The following PAM variants were observed in gnomAD, a reference collection of about 807,000 sequenced individuals.
The protein encoded by PAM is peptidylglycine alpha-amidating monooxygenase, also known as peptidyl-glycine alpha-amidating monooxygenase.
In PAM, 72 loss-of-function variants were observed where a neutral mutation model predicts 122.1. The ratio of observed to expected loss-of-function variants is 0.59; its 90% CI spans 0.49 to 0.72. PAM has a LOEUF of 0.72. PAM is among the 30% of genes least tolerant of loss of function. PAM has a pLI of 0.00. For missense variants in PAM, 1,106 were observed against 1,183.7 expected (o/e 0.93, Z 0.96); for synonymous variants, 389 against 404.4 (o/e 0.96, Z 0.46).
At chr5:102,838,994 T>C (rs762808446) in intron 1 of PAM, among the ~76,000 whole-genome samples, 9 of 152,174 alleles carry the variant, frequency 5.9e-5, no homozygotes, top group Non-Finnish European at 1.2e-4. Context: ...CTAGAAATCT[T>C]TAAAGAAAAT....
chr5:102,813,271 C>G (rs1328961219), intron 1 of PAM, among the ~76,000 whole-genome samples: 1 of 152,116 alleles, frequency 6.6e-6, no homozygotes, highest in Non-Finnish European at 1.5e-5. Context: ...TTGAATCTTT[C>G]TTGGTCAGTG....
rs570605243 is a variant in PAM at position 103,009,915 on chromosome 5, A to C, written c.2331+49A>C. ...TTCAATTTTCATGAGAAGAAGACTA[A>C]AATATAAATCTTGGCATTCAATCTG... On this transcript the variant is annotated intron_variant, in intron 21 of 25. Transcript: ENST00000438793. 11 of 959,798 alleles carry C rather than the reference A, an allele frequency of 1.1e-5. No homozygotes were observed. In the African/African-American group the frequency reaches 1.8e-4, roughly 16 times the overall value. The allele number at this position is 959,798 out of a possible 1,614,324, so 59.5% of individuals were successfully genotyped here. A position where few individuals can be genotyped will look rare whatever the true frequency, so the allele number is the denominator to read the frequency against.
intron 15 of PAM, among the ~76,000 whole-genome samples, chr5:102,980,170 T>G (rs547524055): frequency 6.6e-6 from 1 of 152,220 alleles, no homozygotes; most frequent in South Asian, 2.1e-4. Flanking sequence ...CTATCTGAAT[T>G]TAGAGCAACT....
intron 1 of PAM, among the ~76,000 whole-genome samples, chr5:102,792,870 C>T (rs923817095): frequency 2.6e-5 from 4 of 152,162 alleles, no homozygotes; most frequent in African/African-American, 9.7e-5. Flanking sequence ...TGCAGCCACA[C>T]ACACACAAAA....
intron 12 of PAM, among the ~76,000 whole-genome samples, chr5:102,958,080 T>C (rs1376793201): frequency 3.9e-5 from 6 of 152,148 alleles, no homozygotes; most frequent in Non-Finnish European, 8.8e-5. Flanking sequence ...GTGTGTAGCT[T>C]TTTAGTAAGG....
intron 1 of PAM, among the ~76,000 whole-genome samples, chr5:102,851,231 G>A (rs555109246): frequency 1.3e-5 from 2 of 152,296 alleles, no homozygotes; most frequent in South Asian, 4.1e-4. Flanking sequence ...TCAGGAGTGT[G>A]AGTGAATACT....
At chr5:102,937,842 A>G (rs1273375171) in intron 7 of PAM, among the ~76,000 whole-genome samples, 2 of 152,170 alleles carry the variant, frequency 1.3e-5, no homozygotes, top group Non-Finnish European at 2.9e-5. Context: ...CACTGTTTTT[A>G]AAAGTCTTTT....
intron 1 of PAM, among the ~76,000 whole-genome samples, chr5:102,831,942 T>G (rs1324385701): frequency 2.0e-5 from 3 of 151,948 alleles, no homozygotes; most frequent in African/African-American, 7.2e-5. Context: ...TCATTCATCT[T>G]TCCTATGCCA....
chr5:102,998,762 G>A (rs1776484036), intron 16 of PAM, among the ~76,000 whole-genome samples: 2 of 151,878 alleles, frequency 1.3e-5, no homozygotes, highest in African/African-American at 4.8e-5. Context: ...AAAAGAGGGG[G>A]AAAGGTTTTA....
In PAM at chr5:102,946,869, C is replaced by A. The variant is rs1211372636; in HGVS notation, c.559C>A (p.His187Asn). ...CAAGGACTGTTCTGGTGTGTCCTTA[C>A]ACCTCACACGTCTGCCGTAAGTACT... ...NNKDCSGVSLHLTRLPQPLIA... is the reference protein window; with the variant it reads ...NNKDCSGVSLNLTRLPQPLIA... Residue 187 changes from histidine (H) to asparagine (N), a missense_variant, in exon 8 of 26, where the codon CAC becomes AAC. Physicochemically the swap from His to Asn is moderately conservative, Grantham distance 68. Around this residue, in one of 3 missense-constraint regions of PAM, gnomAD observed 670 missense variants for 690.3 expected, o/e 0.97. Transcript: ENST00000438793. The A allele has an allele frequency of 1.4e-5, 22 of 1,601,526 alleles. No individual in the cohort carries two copies. Among genetic ancestry groups the A allele is most frequent in the Non-Finnish European group, 1.7e-5 (20 of 1,169,392 alleles).
rs572655542 is a variant in PAM, at chr5:102,945,386, A to G, written c.527-1451A>G. Among the ~76,000 whole-genome samples the G allele has an allele frequency of 5.9e-5, 9 of 152,110 alleles. No homozygotes were observed. The East Asian group carries it at 1.5e-3, about 26-fold the overall frequency. ...ACAAATTTGGCATGTGGAAATGTGC[A>G]ATATTTATATTGAAATATAAATTCA... On this transcript the variant is annotated intron_variant, in intron 7 of 25. Transcript: ENST00000438793.
chr5:102,960,020 G>A lies in PAM; in HGVS notation c.1051G>A (p.Val351Met), dbSNP rs61729214. ...IPPEANIPIP[V>M]KSDMVMMHEH... ...ACCAGAGGCCAACATTCCAATTCCC[G>A]TGAAGTCTGATATGGTTATGATGCA... The change falls in exon 13 of 26, where the codon GTG (valine) becomes ATG (methionine). Residue 351 changes from valine (V) to methionine (M), a missense_variant. Transcript: ENST00000438793. 1.8e-4 allele frequency: 288 copies of A among 1,610,246 alleles called. No individual in the cohort carries two copies. The African/African-American group carries it at 2.1e-3, about 11-fold the overall frequency.
At chr5:102,834,762 AGGGAAG>A (rs1776461510) in intron 1 of PAM, among the ~76,000 whole-genome samples, 3 of 152,120 alleles carry the variant, frequency 2.0e-5, no homozygotes, top group Non-Finnish European at 4.4e-5. Flanking sequence ...ACTACCAGGA[AGGGAAG>A]GGTGGAGGGA....
chr5:102,878,807 T>G (rs1034572719), intron 3 of PAM, among the ~76,000 whole-genome samples: 2 of 152,156 alleles, frequency 1.3e-5, no homozygotes, highest in Admixed American at 1.3e-4. Context: ...CTATGTAATG[T>G]TTGTTTTTAA....
chr5:102,916,334 A>G (rs1245549434), intron 5 of PAM, among the ~76,000 whole-genome samples: 1 of 152,142 alleles, frequency 6.6e-6, no homozygotes, highest in South Asian at 2.1e-4. Context: ...TTTGCCAGTC[A>G]GTTGCATCAT....
intron 1 of PAM, among the ~76,000 whole-genome samples, chr5:102,769,516 A>G (rs1220528955): frequency 6.6e-6 from 1 of 151,930 alleles, no homozygotes; most frequent in Non-Finnish European, 1.5e-5. Flanking sequence ...ATCCATTTTG[A>G]TTTGATTTTT....
chr5:102,775,209 A>AT (rs902344907), intron 1 of PAM, among the ~76,000 whole-genome samples: 7 of 152,048 alleles, frequency 4.6e-5, no homozygotes, highest in African/African-American at 1.4e-4. Context: ...GGCCTAAAAA[A>AT]TTTTTTTTAA....
chr5:102,965,162 G>C (rs1345182509), intron 14 of PAM, among the ~76,000 whole-genome samples: 4 of 138,716 alleles, frequency 2.9e-5, no homozygotes, highest in Admixed American at 1.5e-4. Flanking sequence ...TTCCAAAGCA[G>C]ACACACACAC....
intron 16 of PAM, among the ~76,000 whole-genome samples, chr5:103,000,850 A>C (rs1777166090): frequency 6.6e-6 from 1 of 152,218 alleles, no homozygotes; most frequent in African/African-American, 2.4e-5. Flanking sequence ...ACTTTCCACC[A>C]AGTCCCTCCC....
Sources: gnomAD v4.1 joint callset for allele counts (sites outside exome capture counted in the v4.1 genomes callset) on GRCh38, gnomAD v4.1.1 for gene constraint, gnomAD v4.1.1 regional missense constraint, MANE v1.5 for transcripts, NCBI Gene and HGNC (gene_info 2026-07-23, HGNC 2026-07-21) for gene names.